ADAT1: variants seen among roughly 807,000 people sequenced by gnomAD.
ADAT1 encodes adenosine deaminase tRNA specific 1, also known as tRNA-specific adenosine deaminase 1.
Under a neutral mutation model 58.6 loss-of-function variants are expected in ADAT1, and 58 were observed. The ratio of observed to expected loss-of-function variants is 0.99; its 90% CI spans 0.80 to 1.23. ADAT1 has a LOEUF of 1.23. Among genes scored for constraint, ADAT1 ranks in the 50% most tolerant of loss-of-function variants. The pLI is 0.00. For synonymous variants in ADAT1, 254 were observed against 220.8 expected (o/e 1.15, Z -1.33); for missense variants, 741 against 608.6 (o/e 1.22, Z -2.29).
chr16:75,618,729 AC>A, intron 3 of ADAT1, 89 bp from the exon 4 acceptor site: 1 of 1,488,646 alleles, frequency 6.7e-7, no homozygotes, highest in Non-Finnish European at 9.1e-7. Context: ...TCCCACCAGC[AC>A]CCAGGATGGT....
At chr16:75,618,855 T>C (rs1418851180) in intron 3 of ADAT1, among the ~76,000 whole-genome samples, 1 of 152,070 alleles carries the variant, frequency 6.6e-6, no homozygotes, top group Non-Finnish European at 1.5e-5. Flanking sequence ...AAATTTTTTG[T>C]TGTGGGGGAT....
chr16:75,605,742 C>G (rs1453754161), intron 8 of ADAT1, among the ~76,000 whole-genome samples: 3 of 151,570 alleles, frequency 2.0e-5, no homozygotes, highest in Non-Finnish European at 2.9e-5. Flanking sequence ...TCAAGACCAG[C>G]CTGCCCAACA....
Position 75,597,480 on chromosome 16 carries a change from T to G in ADAT1, c.*2736A>C. The G allele has an allele frequency of 7.5e-6, 3 of 399,418 alleles. No homozygotes were observed. The highest frequency in any genetic ancestry group is 8.6e-4 in the Middle Eastern group (2 of 2,334). 24.7% of individuals were successfully genotyped at this position (399,418 alleles called of 1,614,324 possible). On this transcript the variant is annotated 3_prime_UTR_variant, in exon 10 of 10. Transcript: ENST00000564657. Reference sequence around the variant, plus strand: ...TTAGAGCAGCAGTCCCCAACCTTTTTGGCACCAGGGACTGGTTTCATGGAA... The same window carrying G: ...TTAGAGCAGCAGTCCCCAACCTTTTGGGCACCAGGGACTGGTTTCATGGAA...
intron 2 of ADAT1, 33 bp downstream of exon 2, chr16:75,620,598 A>G: frequency 6.2e-7 from 1 of 1,608,562 alleles, no homozygotes; most frequent in Non-Finnish European, 8.5e-7. Context: ...CATCTCTCAC[A>G]GTGAGGAGCA....
Position 75,622,826 on chromosome 16 carries a change from G to C in ADAT1, c.-445C>G, listed in dbSNP as rs2081972292. ...AAAGAAAAGGAAGTCGGCTGCCAGG[G>C]GAGAAAAGGCTTCAGCGATGCTTGG... is the stretch of plus-strand genomic sequence containing the variant. On this transcript the variant is annotated 5_prime_UTR_variant, in exon 1 of 10. Coordinates refer to ENST00000564657, the MANE Select transcript of ADAT1 (RefSeq NM_001324445.2). 6.6e-6 allele frequency: 1 copy of C among 152,190 alleles called. No homozygotes were observed. Among genetic ancestry groups the C allele is most frequent in the Non-Finnish European group, 1.5e-5 (1 of 68,040 alleles). 9.4% of individuals were successfully genotyped at this position (152,190 alleles called of 1,614,324 possible). A position where few individuals can be genotyped will look rare whatever the true frequency, so the allele number is the denominator to read the frequency against.
chr16:75,617,065 A>G, intron 5 of ADAT1, 77 bp downstream of exon 5: 1 of 1,509,852 alleles, frequency 6.6e-7, no homozygotes, highest in Non-Finnish European at 8.9e-7. Context: ...CTTTTTAGGA[A>G]AAAACCTACC....
chr16:75,612,795 T>C lies in ADAT1; in HGVS notation c.491A>G (p.Asn164Ser), dbSNP rs1263407367. ...EDQPCCPVFR[N>S]WAHNSSVEAS... is the part of the protein sequence containing the mutation. Reference sequence around the variant, plus strand: ...TTCTACTGATGAGTTGTGGGCCCAATTTCTGAAGACAGGACAGCAAGGCTG... The same window carrying C: ...TTCTACTGATGAGTTGTGGGCCCAACTTCTGAAGACAGGACAGCAAGGCTG... Residue 164 changes from asparagine to serine, a missense_variant, in exon 6 of 10, where the codon AAT becomes AGT. Asn to Ser is a conservative substitution (Grantham distance 46). Transcript: ENST00000564657. The C allele has an allele frequency of 5.0e-6, 8 of 1,614,118 alleles. No individual in the cohort carries two copies. In the East Asian group the frequency reaches 1.6e-4, roughly 31 times the overall value.
rs745417851 is a variant in ADAT1 at position 75,620,282 on chromosome 16, G to A, written c.222C>T (p.Ser74=). Residue 74 remains serine, a synonymous_variant, in exon 3 of 10, where the codon TCC becomes TCT. Transcript: ENST00000564657. The stretch of plus-strand genomic sequence containing the variant: ...CGTGCTTACCGTTCTTCCTCATTTT[G>A]GACTGTCCTATGCATTTTGTTCCTG... ...MGTGTKCIGQ[S]KMRKNGDILN... 5 of 1,613,946 alleles carry A rather than the reference G, an allele frequency of 3.1e-6. No individual in the cohort carries two copies. The highest frequency in any genetic ancestry group is 2.2e-5 in the East Asian group (1 of 44,890).
intron 5 of ADAT1, among the ~76,000 whole-genome samples, chr16:75,614,338 T>C (rs1567478576): frequency 6.6e-6 from 1 of 152,236 alleles, no homozygotes; most frequent in Admixed American, 6.5e-5. Flanking sequence ...TGTTTCCTCT[T>C]GCTGGTTTAG....
At chr16:75,601,827 C>A (rs761496435) in intron 9 of ADAT1, 1 of 152,210 alleles carries the variant, frequency 6.6e-6, no homozygotes, top group African/African-American at 2.4e-5. Context: ...AAGAAGCCAA[C>A]TGACCACAGA....
In ADAT1 at chr16:75,612,747, G is replaced by C. The variant is rs772112583; in HGVS notation, c.539C>G (p.Pro180Arg). 3.7e-6 allele frequency: 6 copies of C among 1,613,934 alleles called. No individual in the cohort carries two copies. The South Asian group carries it at 6.6e-5, about 18-fold the overall frequency. Residue 180 changes from proline (P) to arginine (R), a missense_variant, in exon 6 of 10, where the codon CCT becomes CGT. Transcript: ENST00000564657. Reference protein sequence around the residue: ...SVEASSNLEAPGNERKCEDPD... With the variant: ...SVEASSNLEARGNERKCEDPD... The stretch of plus-strand genomic sequence containing the variant: ...GTCTTCACATTTTCTTTCATTTCCA[G>C]GAGCTTCCAGGTTACTACTGGCTTC...
rs1053778829 is a variant in ADAT1, at chr16:75,608,590, A to G, written c.1189+253T>C. 5.1e-6 allele frequency: 3 copies of G among 586,436 alleles called. No homozygotes were observed. In the Admixed American group the frequency reaches 9.4e-5, roughly 18 times the overall value. The allele number at this position is 586,436 out of a possible 1,614,324, so 36.3% of individuals were successfully genotyped here. On this transcript the variant is annotated intron_variant, in intron 7 of 9. Coordinates refer to ENST00000564657, the MANE Select transcript of ADAT1 (RefSeq NM_001324445.2). Reference sequence around the variant, plus strand: ...TGCATTAAACAGAATTTCTCACTGAATCTTCCCAATAACCCTGATAAATGA... The same window carrying G: ...TGCATTAAACAGAATTTCTCACTGAGTCTTCCCAATAACCCTGATAAATGA...
In ADAT1 at chr16:75,612,740, A is replaced by G. The variant is rs2081586975; in HGVS notation, c.546T>C (p.Asn182=). Residue 182 remains asparagine, a synonymous_variant, in exon 6 of 10, where the codon AAT becomes AAC. Coordinates refer to ENST00000564657, the MANE Select transcript of ADAT1 (RefSeq NM_001324445.2). ...TGTCAGGGTCTTCACATTTTCTTTCATTTCCAGGAGCTTCCAGGTTACTAC... is the reference window on the plus strand; with the variant it reads ...TGTCAGGGTCTTCACATTTTCTTTCGTTTCCAGGAGCTTCCAGGTTACTAC... ...EASSNLEAPG[N]ERKCEDPDSP... 2 of 1,613,792 alleles carry G rather than the reference A, an allele frequency of 1.2e-6. No homozygotes were observed. Among genetic ancestry groups the G allele is most frequent in the Non-Finnish European group, 1.7e-6 (2 of 1,180,008 alleles).
At chr16:75,600,504 C>T (rs74993170) in intron 9 of ADAT1, among the ~76,000 whole-genome samples, 156 bp from the exon 10 acceptor site, 1,993 of 152,276 alleles carry the variant, frequency 0.013, 53 homozygotes, top group African/African-American at 0.044. Flanking sequence ...ATACAAACTA[C>T]GTTATTCTTG....
intron 9 of ADAT1, among the ~76,000 whole-genome samples, chr16:75,602,636 C>T (rs140303266): frequency 6.6e-6 from 1 of 152,300 alleles, no homozygotes; most frequent in Non-Finnish European, 1.5e-5. Context: ...TGGTCACTGT[C>T]AGAATGTCAC....
At chr16:75,617,729 G>A (rs1373885814) in intron 4 of ADAT1, among the ~76,000 whole-genome samples, 1 of 151,340 alleles carries the variant, frequency 6.6e-6, no homozygotes, top group African/African-American at 2.4e-5. Flanking sequence ...TCTCTGTGGT[G>A]GGCTCAGCAA....
intron 4 of ADAT1, 41 bp from the exon 5 acceptor site, chr16:75,617,313 C>G (rs745944115): frequency 1.1e-5 from 18 of 1,597,180 alleles, no homozygotes; most frequent in Non-Finnish European, 1.5e-5. Flanking sequence ...CAACCGATCT[C>G]TGTGGTAAGG....
chr16:75,613,467 A>G (rs746612103), intron 5 of ADAT1, among the ~76,000 whole-genome samples: 12 of 152,062 alleles, frequency 7.9e-5, no homozygotes, highest in Non-Finnish European at 2.9e-5. Flanking sequence ...ACGACTGGCT[A>G]ATGTTTGTAT....
chr16:75,606,373 T>C lies in ADAT1; in HGVS notation c.1289+1851A>G, dbSNP rs150480092. 5.6e-3 allele frequency among the ~76,000 whole-genome samples: 846 copies of C among 152,282 alleles called. 3 individuals carry two copies. The highest frequency in any genetic ancestry group is 9.0e-3 in the Admixed American group (137 of 15,296). Reference sequence around the variant, plus strand: ...CTTAGCAATCCCCTCCCATACGTAATAGGGCTGATCTGAATAACCATTAAG... The same window carrying C: ...CTTAGCAATCCCCTCCCATACGTAACAGGGCTGATCTGAATAACCATTAAG... On this transcript the variant is annotated intron_variant, in intron 8 of 9. Transcript: ENST00000564657.
Sources: allele counts gnomAD v4.1 joint callset (sites outside exome capture counted in the v4.1 genomes callset), GRCh38; gene constraint gnomAD v4.1.1; transcripts MANE v1.5; gene names NCBI Gene and HGNC (gene_info 2026-07-23, HGNC 2026-07-21).